The following ZBTB46 variants were observed in gnomAD, a reference collection of about 807,000 sequenced individuals.
The protein encoded by ZBTB46 is zinc finger and BTB domain-containing protein 46.
A neutral mutation model predicts 44.1 loss-of-function variants in ZBTB46; 8 were observed. That is an observed-to-expected ratio of 0.18 (90% CI 0.11 to 0.33). ZBTB46 has a LOEUF of 0.33. ZBTB46 is among the 10% of genes least tolerant of loss of function. The pLI, the probability that ZBTB46 is intolerant of heterozygous loss-of-function variation, is 1.00. For synonymous variants in ZBTB46, 409 were observed against 382.3 expected (o/e 1.07, Z -0.81); for missense variants, 651 against 847.7 (o/e 0.77, Z 2.88).
At chr20:63,811,610 C>T (rs1274953290) in intron 1 of ZBTB46, among the ~76,000 whole-genome samples, 5 of 151,728 alleles carry the variant, frequency 3.3e-5, no homozygotes, top group Non-Finnish European at 7.4e-5. Context: ...CTGACCCTGA[C>T]CCCTGGGCCC....
In ZBTB46 at chr20:63,790,226, C is replaced by T. The variant is rs914620437; in HGVS notation, c.532G>A (p.Ala178Thr). ...ATGGCCGAGTCTCCGGAAGAATTGG[C>T]AGGACTCGTTCGCCGTGCCAGCCAC... The part of the protein sequence containing the change: ...SPWLARRTSP[A>T]NSSGDSAIAS... Residue 178 changes from alanine (A) to threonine (T), a missense_variant, in exon 2 of 5, where the codon GCC (alanine) becomes ACC (threonine). Ala to Thr is a moderately conservative substitution (Grantham distance 58). Around this residue, in one of 5 missense-constraint regions of ZBTB46, gnomAD observed 385 missense variants for 423.3 expected, o/e 0.91. Transcript: ENST00000245663. 2 of 1,611,674 alleles carry T rather than the reference C, an allele frequency of 1.2e-6. No homozygotes were observed. The highest frequency in any genetic ancestry group is 1.3e-5 in the African/African-American group (1 of 74,916).
rs542264070 is a variant in ZBTB46, at chr20:63,827,562, T to C, written c.-34+3535A>G. Among the ~76,000 whole-genome samples, 272 of 147,400 alleles carry C rather than the reference T, an allele frequency of 1.8e-3. 2 individuals carry two copies. Among genetic ancestry groups the C allele is most frequent in the African/African-American group, 6.6e-3 (262 of 39,812 alleles). ...AGCGGAGCTTGCAGTGAGCCGAGAT[T>C]GCGCCACTGCAGTCCGCAGTCCGGC... is the stretch of plus-strand genomic sequence containing the variant. On this transcript the variant is annotated intron_variant, in intron 1 of 4. Transcript: ENST00000245663.
intron 3 of ZBTB46, among the ~76,000 whole-genome samples, chr20:63,758,244 C>T (rs6062308): frequency 6.7e-6 from 1 of 149,028 alleles, no homozygotes; most frequent in Non-Finnish European, 1.5e-5. Flanking sequence ...GGTTCTCACA[C>T]TACAGCCAGT....
intron 2 of ZBTB46, among the ~76,000 whole-genome samples, chr20:63,777,190 C>G (rs1344963304): frequency 6.6e-6 from 1 of 152,058 alleles, no homozygotes; most frequent in Admixed American, 6.6e-5. Flanking sequence ...TATAAAAAGG[C>G]CAGGCACCGT....
intron 1 of ZBTB46, among the ~76,000 whole-genome samples, chr20:63,797,561 C>T (rs2092613400): frequency 6.6e-6 from 1 of 152,194 alleles, no homozygotes. Context: ...AGTTCTAGAT[C>T]CTTGAGGAAT....
At chr20:63,825,625 G>A (rs1301826318) in intron 1 of ZBTB46, among the ~76,000 whole-genome samples, 2 of 152,166 alleles carry the variant, frequency 1.3e-5, no homozygotes, top group African/African-American at 4.8e-5. Context: ...TATGGCCAAT[G>A]AGTGGATTAT....
At chr20:63,829,918 A>AGTTC (rs1190738729) in intron 1 of ZBTB46, among the ~76,000 whole-genome samples, 1 of 152,210 alleles carries the variant, frequency 6.6e-6, no homozygotes, top group African/African-American at 2.4e-5. Flanking sequence ...AATGCCCGTG[A>AGTTC]GTTCTCGGCG....
At chr20:63,819,097 C>G (rs540623472) in intron 1 of ZBTB46, among the ~76,000 whole-genome samples, 1 of 148,454 alleles carries the variant, frequency 6.7e-6, no homozygotes, top group East Asian at 2.0e-4. Flanking sequence ...CGCTTGAACC[C>G]GGGAGATGGA....
intron 1 of ZBTB46, among the ~76,000 whole-genome samples, chr20:63,829,148 C>G (rs148815384): frequency 0.01 from 1,542 of 152,296 alleles, 15 homozygotes; most frequent in Middle Eastern, 0.024. Flanking sequence ...CCACCAGGGG[C>G]TGGGGAGGGA....
In ZBTB46 at chr20:63,803,893, C is replaced by A. The variant is rs142785430; in HGVS notation, c.-33-13103G>T. 0.012 allele frequency among the ~76,000 whole-genome samples: 1,880 copies of A among 152,264 alleles called. 29 individuals are homozygous for A. Among genetic ancestry groups the A allele is most frequent in the Non-Finnish European group, 0.017 (1,173 of 68,026 alleles). On this transcript the variant is annotated intron_variant, in intron 1 of 4. Transcript: ENST00000245663. This position sits in a 1 kb window ranked among gnomAD's most constrained non-coding sequence, Gnocchi z 4.0. ...GGCTAATTTTTTTGTTTTGTAGAGA[C>A]GGGGTTCTGTCGTGTTGCCCAGGTT...
intron 1 of ZBTB46, among the ~76,000 whole-genome samples, chr20:63,823,858 T>TTTGTGTGTGTGTGTGTGTGTG (rs144086739): frequency 1.4e-5 from 2 of 144,718 alleles, no homozygotes; most frequent in Non-Finnish European, 3.0e-5. Flanking sequence ...TCTAGGAACC[T>TTTGTGTGTGTGTGTGTGTGTG]TGTGTGTGTG....
chr20:63,796,697 C>T (rs1292070402), intron 1 of ZBTB46, among the ~76,000 whole-genome samples: 1 of 151,836 alleles, frequency 6.6e-6, no homozygotes, highest in Non-Finnish European at 1.5e-5. Flanking sequence ...TGATGGCAGG[C>T]GCCTGTAATC....
chr20:63,830,288 T>C (rs1470443685), intron 1 of ZBTB46, among the ~76,000 whole-genome samples: 1 of 152,072 alleles, frequency 6.6e-6, no homozygotes, highest in African/African-American at 2.4e-5. Context: ...CCTTAGGGAT[T>C]GAGTTGTCAG....
At chr20:63,809,026 A>C (rs954500590) in intron 1 of ZBTB46, among the ~76,000 whole-genome samples, 5 of 151,658 alleles carry the variant, frequency 3.3e-5, no homozygotes, top group Non-Finnish European at 1.5e-5. Context: ...AAAGAAAGAA[A>C]ACTCCATGAT....
intron 4 of ZBTB46, among the ~76,000 whole-genome samples, chr20:63,747,949 G>A (rs1429171511): frequency 2.6e-5 from 4 of 152,218 alleles, no homozygotes; most frequent in Non-Finnish European, 4.4e-5. Flanking sequence ...TTGGACTGGA[G>A]CTCACAGAGC....
intron 3 of ZBTB46, among the ~76,000 whole-genome samples, chr20:63,759,777 T>C (rs978721327): frequency 1.3e-5 from 2 of 152,208 alleles, no homozygotes; most frequent in African/African-American, 4.8e-5. Flanking sequence ...AGGTTAACTT[T>C]TTTTTTTGTA....
At chr20:63,830,855 T>TG (rs2092846603) in intron 1 of ZBTB46, among the ~76,000 whole-genome samples, 1 of 135,110 alleles carries the variant, frequency 7.4e-6, no homozygotes, top group Non-Finnish European at 1.6e-5. Flanking sequence ...GCCGCCGGCC[T>TG]GGGGGGCACC....
chr20:63,801,162 C>T (rs755946717), intron 1 of ZBTB46, among the ~76,000 whole-genome samples: 3 of 151,000 alleles, frequency 2.0e-5, no homozygotes, highest in Non-Finnish European at 2.9e-5. Context: ...CTAGCTGATC[C>T]GGTGGGGACT....
chr20:63,784,625 GAGA>G (rs1403615682), intron 2 of ZBTB46, among the ~76,000 whole-genome samples: 1 of 152,352 alleles, frequency 6.6e-6, no homozygotes, highest in African/African-American at 2.4e-5. Flanking sequence ...CTCCGCAGAT[GAGA>G]AGGAGACGCC....
Sources: allele counts gnomAD v4.1 joint callset (sites outside exome capture counted in the v4.1 genomes callset), GRCh38; gene constraint gnomAD v4.1.1; regional missense constraint gnomAD v4.1.1; non-coding constraint Gnocchi (gnomAD v3.1); transcripts MANE v1.5; gene names NCBI Gene and HGNC (gene_info 2026-07-23, HGNC 2026-07-21).